The following RDX variants were observed in gnomAD, a reference collection of about 807,000 sequenced individuals.
The protein encoded by RDX is deafness, autosomal recessive 24.
Under a neutral mutation model 83.7 loss-of-function variants are expected in RDX, and 32 were observed. That is an observed-to-expected ratio of 0.38 (90% CI 0.29 to 0.51). RDX has a LOEUF of 0.51. RDX is among the 20% of genes least tolerant of loss of function. RDX has a pLI of 0.87. For missense variants in RDX, 600 were observed against 689.9 expected, an observed-to-expected ratio of 0.87 and a Z score of 1.46; for synonymous variants, 229 against 222.7, an observed-to-expected ratio of 1.03 and a Z score of -0.25.
intron 9 of RDX, among the ~76,000 whole-genome samples, chr11:110,251,257 A>C (rs1415914006): frequency 2.0e-5 from 3 of 152,212 alleles, no homozygotes; most frequent in Non-Finnish European, 2.9e-5. Context: ...AATATGCAAA[A>C]AATTACTTTA....
chr11:110,247,742 G>C lies in RDX; in HGVS notation c.1051C>G (p.Leu351Val). Residue 351 changes from leucine to valine, a missense_variant, in exon 10 of 14, where the codon CTA (leucine) becomes GTA (valine). Coordinates refer to ENST00000645495, the MANE Select transcript of RDX (RefSeq NM_002906.4). The stretch of plus-strand genomic sequence containing the variant: ...ATTGTCTGCTCTTCAATTTGTTTTA[G>C]ACGTTCCATTAGCTCTTCCTTTTCA... ...EREKEELMER[L>V]KQIEEQTIKA... 1.2e-6 allele frequency: 2 copies of C among 1,612,290 alleles called. No homozygotes were observed. Among genetic ancestry groups the C allele is most frequent in the Non-Finnish European group, 8.5e-7 (1 of 1,179,490 alleles).
intron 15 of RDX, among the ~76,000 whole-genome samples, chr11:110,175,428 G>A (rs189437915): frequency 1.0e-3 from 155 of 152,352 alleles, no homozygotes; most frequent in Middle Eastern, 3.4e-3. Context: ...AATTCACCAT[G>A]AGATTAAAAA....
intron 12 of RDX, 148 bp from the exon 13 acceptor site, chr11:110,233,627 G>A: frequency 6.3e-6 from 5 of 789,612 alleles, no homozygotes; most frequent in Non-Finnish European, 1.0e-5. Context: ...ATAAAAGAAT[G>A]TCAACAGGTA....
rs756999887 is a variant in RDX at position 110,257,799 on chromosome 11, A to T, written c.666T>A (p.Ala222=). The T allele has an allele frequency of 4.7e-5, 75 of 1,611,964 alleles. No homozygotes were observed. The highest frequency in any genetic ancestry group is 6.1e-5 in the Non-Finnish European group (72 of 1,179,692). ...KGTELWLGVD[A]LGLNIYEHDD... is the part of the protein sequence containing the mutation. ...CATGCTCATAAATATTCAGACCCAA[A>T]GCATCAACACCTAGCCACAATTCAG... is the stretch of plus-strand genomic sequence containing the variant. Residue 222 remains alanine, a synonymous_variant, in exon 7 of 14, where the codon GCT becomes GCA. Coordinates refer to ENST00000645495, the MANE Select transcript of RDX (RefSeq NM_002906.4).
chr11:110,293,268 G>A (rs1161467589), intron 1 of RDX, among the ~76,000 whole-genome samples: 2 of 152,196 alleles, frequency 1.3e-5, no homozygotes, highest in Non-Finnish European at 2.9e-5. Context: ...AGCTACCTAT[G>A]GAAAACAGGA....
intron 15 of RDX, among the ~76,000 whole-genome samples, chr11:110,189,344 A>C (rs1388794806): frequency 6.6e-6 from 1 of 151,904 alleles, no homozygotes; most frequent in Non-Finnish European, 1.5e-5. Context: ...ATATGCACCC[A>C]ACATTGGAGC....
Position 110,257,853 on chromosome 11 carries a change from G to A in RDX, c.612C>T (p.Asn204=). The A allele has an allele frequency of 6.2e-7, 1 of 1,612,314 alleles. No homozygotes were observed. The highest frequency in any genetic ancestry group is 8.5e-7 in the Non-Finnish European group (1 of 1,178,762). ...CTTTTTTATTTTTTATTTCAAAATA[G>A]TTGACTCCATACATTTCTAGATCTT... The part of the protein sequence containing the change: ...IAQDLEMYGV[N]YFEIKNKKGT... The change falls in exon 7 of 14, where the codon AAC becomes AAT. Residue 204 remains asparagine, a synonymous_variant. Transcript: ENST00000645495.
chr11:110,243,053 G>C (rs1865162655), intron 10 of RDX, among the ~76,000 whole-genome samples: 1 of 152,046 alleles, frequency 6.6e-6, no homozygotes, highest in Non-Finnish European at 1.5e-5. Flanking sequence ...TACAGACAGA[G>C]TATCCTAATC....
intron 15 of RDX, among the ~76,000 whole-genome samples, chr11:110,176,879 TCACCA>T (rs1221068470): frequency 1.3e-5 from 2 of 152,082 alleles, no homozygotes; most frequent in East Asian, 3.9e-4. Context: ...GGTAGCAGTA[TCACCA>T]GGCCCTTTCG....
chr11:110,182,976 G>A (rs941834745), intron 15 of RDX, among the ~76,000 whole-genome samples: 2 of 152,216 alleles, frequency 1.3e-5, no homozygotes, highest in Middle Eastern at 3.2e-3. Flanking sequence ...CCAAAGTCAT[G>A]CAGCAGAAAA....
At chr11:110,193,856 T>C (rs1051347915) in intron 15 of RDX, among the ~76,000 whole-genome samples, 2 of 152,240 alleles carry the variant, frequency 1.3e-5, no homozygotes, top group Non-Finnish European at 2.9e-5. Context: ...CTTTTGATTA[T>C]ACAGCATTAT....
Position 110,236,075 on chromosome 11 carries a change from G to A in RDX, c.1344+24C>T, listed in dbSNP as rs773918630. 2.7e-6 allele frequency: 4 copies of A among 1,495,942 alleles called. No individual in the cohort carries two copies. In the East Asian group the frequency reaches 9.0e-5, roughly 34 times the overall value. 92.7% of individuals were successfully genotyped at this position (1,495,942 alleles called of 1,614,324 possible). A position where few individuals can be genotyped will look rare whatever the true frequency, so the allele number is the denominator to read the frequency against. On this transcript the variant is annotated intron_variant, in intron 12 of 13. Transcript: ENST00000645495. ...TGGGTATAAAAGCTATTCAATAAAA[G>A]CTAGTAAATGAATAAATGATTACTT...
intron 15 of RDX, among the ~76,000 whole-genome samples, chr11:110,177,665 G>C (rs1565277111): frequency 6.6e-6 from 1 of 151,942 alleles, no homozygotes; most frequent in Non-Finnish European, 1.5e-5. Flanking sequence ...GTGTGTTTTT[G>C]GTAGAGACGA....
At chr11:110,180,614 T>C (rs1314071186) in intron 15 of RDX, among the ~76,000 whole-genome samples, 1 of 151,960 alleles carries the variant, frequency 6.6e-6, no homozygotes, top group Non-Finnish European at 1.5e-5. Context: ...TCAGCCTTCT[T>C]GCAGTTTCCT....
intron 1 of RDX, among the ~76,000 whole-genome samples, chr11:110,282,633 A>C (rs1860808710): frequency 6.6e-6 from 1 of 152,164 alleles, no homozygotes; most frequent in Non-Finnish European, 1.5e-5. Context: ...AAAAATACTA[A>C]ATGACATAGG....
chr11:110,264,219 C>T lies in RDX; in HGVS notation c.208G>A (p.Val70Ile), dbSNP rs1420722740. ...AACTGTAAAGGATTCTCTTTTTTAA[C>T]ATCCTGCTGTGTTACCTGGAAAAAT... ...KLNKKVTQQDVKKENPLQFKF... is the reference protein window; with the variant it reads ...KLNKKVTQQDIKKENPLQFKF... Residue 70 changes from valine to isoleucine, a missense_variant, in exon 5 of 14, where the codon GTT (valine) becomes ATT (isoleucine). Val to Ile is a conservative substitution (Grantham distance 29). Coordinates refer to ENST00000645495, the MANE Select transcript of RDX (RefSeq NM_002906.4). 6.2e-7 allele frequency: 1 copy of T among 1,605,762 alleles called. No homozygotes were observed. Among genetic ancestry groups the T allele is most frequent in the Non-Finnish European group, 8.5e-7 (1 of 1,175,770 alleles).
chr11:110,187,073 T>G (rs1055769094), intron 15 of RDX, among the ~76,000 whole-genome samples: 2 of 152,198 alleles, frequency 1.3e-5, no homozygotes, highest in South Asian at 2.1e-4. Flanking sequence ...GCAAAAAGAT[T>G]TGTAGTCAGA....
chr11:110,210,480 T>C (rs1039090320), intron 14 of RDX, among the ~76,000 whole-genome samples: 3 of 148,324 alleles, frequency 2.0e-5, no homozygotes, highest in African/African-American at 7.6e-5. Flanking sequence ...ATTCAGGAAA[T>C]ACAGAGAACA....
chr11:110,186,552 C>G (rs1041552417), intron 15 of RDX, among the ~76,000 whole-genome samples: 33 of 151,776 alleles, frequency 2.2e-4, no homozygotes, highest in African/African-American at 7.8e-4. Flanking sequence ...GGGAATCCAT[C>G]AGCATAACAA....
Sources: allele counts gnomAD v4.1 joint callset (sites outside exome capture counted in the v4.1 genomes callset), GRCh38; gene constraint gnomAD v4.1.1; transcripts MANE v1.5; gene names NCBI Gene and HGNC (gene_info 2026-07-23, HGNC 2026-07-21).